Variants in KIAA0930 observed in about 807,000 individuals in gnomAD.
KIAA0930 encodes uncharacterized protein KIAA0930.
Under a neutral mutation model 43.9 loss-of-function variants are expected in KIAA0930, and 24 were observed. That is an observed-to-expected ratio of 0.55 (90% CI 0.40 to 0.77). The LOEUF is 0.77. Ranked by LOEUF, KIAA0930 falls within the 30% of genes least tolerant of loss-of-function variation. The pLI, the probability that KIAA0930 is intolerant of heterozygous loss-of-function variation, is 0.00. For missense variants in KIAA0930, 461 were observed against 574.2 expected, an observed-to-expected ratio of 0.80 and a Z score of 2.02; for synonymous variants, 259 against 216.4, an observed-to-expected ratio of 1.20 and a Z score of -1.73.
intron 3 of KIAA0930, 22 bp downstream of exon 3, chr22:45,205,771 C>CGCG: frequency 1.4e-6 from 1 of 710,688 alleles, no homozygotes; most frequent in Non-Finnish European, 2.4e-6. Flanking sequence ...CAATCCGCAG[C>CGCG]CCCACCCATC....
intron 6 of KIAA0930, 70 bp downstream of exon 6, chr22:45,203,775 G>A: frequency 1.3e-6 from 2 of 1,548,806 alleles, no homozygotes; most frequent in Non-Finnish European, 1.7e-6. Context: ...CCATGGTATG[G>A]ACCACGGTGG....
At chr22:45,223,234 C>A (rs2083777869) in intron 1 of KIAA0930, among the ~76,000 whole-genome samples, 1 of 152,236 alleles carries the variant, frequency 6.6e-6, no homozygotes, top group African/African-American at 2.4e-5. Flanking sequence ...TGAAGCAACT[C>A]TATCTGTTCC....
At position 45,194,581 on chromosome 22, in the gene KIAA0930, A is replaced by G. The variant is rs1365733761; in HGVS notation, c.*2595T>C. On this transcript the variant is annotated 3_prime_UTR_variant, in exon 10 of 10. Transcript: ENST00000336156. The stretch of plus-strand genomic sequence containing the variant: ...CAAGAAGTACAAATGTGCCAACACC[A>G]GGACTTTGGGGACCCTGGTTCTGGC... The G allele has an allele frequency of 1.3e-5, 2 of 152,218 alleles. No individual in the cohort carries two copies. The highest frequency in any genetic ancestry group is 4.8e-5 in the African/African-American group (2 of 41,456). The allele number at this position is 152,218 out of a possible 1,614,324, so 9.4% of individuals were successfully genotyped here. A position where few individuals can be genotyped will look rare whatever the true frequency, so the allele number is the denominator to read the frequency against.
At chr22:45,238,886 C>T (rs1601830456) in intron 1 of KIAA0930, among the ~76,000 whole-genome samples, 1 of 151,812 alleles carries the variant, frequency 6.6e-6, no homozygotes, top group South Asian at 2.1e-4. Context: ...CTCTCTCTCT[C>T]TCTCTCTCTC....
chr22:45,199,816 T>C (rs1303007476), intron 8 of KIAA0930, 57 bp downstream of exon 8: 1 of 1,392,544 alleles, frequency 7.2e-7, no homozygotes, highest in East Asian at 2.6e-5. Context: ...ATGACTGGTC[T>C]GGATCAAGAA....
At chr22:45,213,497 A>G (rs2083712400) in intron 1 of KIAA0930, 11 of 1,192,640 alleles carry the variant, frequency 9.2e-6, no homozygotes, top group Non-Finnish European at 1.2e-5. Flanking sequence ...CGGGGGAACG[A>G]AACACGCGTG....
chr22:45,197,946 C>A lies in KIAA0930; in HGVS notation c.1018G>T (p.Asp340Tyr), dbSNP rs779917518. ...CGCAGGTTGGTTGCATTGTGCAGAT[C>A]GGCTGGAGGAAAGAAGGCCAGGTCA... The part of the protein sequence containing the change: ...EFFREDDGGA[D>Y]LHNATNLRSR... Residue 340 changes from aspartate to tyrosine, a missense_variant and splice_region_variant, in exon 9 of 10, where the codon GAT becomes TAT. By Grantham distance (160) the Asp-to-Tyr change is radical. Coordinates refer to ENST00000336156, the MANE Select transcript of KIAA0930 (RefSeq NM_001009880.2). The A allele has an allele frequency of 6.2e-7, 1 of 1,613,722 alleles. No individual in the cohort carries two copies. Among genetic ancestry groups the A allele is most frequent in the Non-Finnish European group, 8.5e-7 (1 of 1,179,908 alleles).
intron 1 of KIAA0930, among the ~76,000 whole-genome samples, chr22:45,232,880 C>T (rs971629581): frequency 3.9e-5 from 6 of 152,098 alleles, no homozygotes; most frequent in East Asian, 1.9e-4. Flanking sequence ...GTGCAGAGTT[C>T]GGCTTTGACT....
In KIAA0930 at chr22:45,238,898, C is replaced by G. The variant is rs1035246622; in HGVS notation, c.64+1742G>C. The stretch of plus-strand genomic sequence containing the variant: ...AGGCTCTCTCTCTCTCTCTCTCTCT[C>G]TCTCACCCTCAGGCTCTTCATCGCT... On this transcript the variant is annotated intron_variant, in intron 1 of 9. Transcript: ENST00000336156. Among the ~76,000 whole-genome samples the G allele has an allele frequency of 5.8e-4, 88 of 150,540 alleles. 1 individual carries two copies. The highest frequency in any genetic ancestry group is 1.0e-3 in the Non-Finnish European group (71 of 67,990).
rs372034700 is a variant in KIAA0930, at chr22:45,204,000, A to G, written c.517-15T>C. ...TCGCTGAACACCTGGGCCAGGACAC[A>G]AAGAGACAGGGACGTGACCATCAGC... is the stretch of plus-strand genomic sequence containing the variant. On this transcript the variant is annotated splice_polypyrimidine_tract_variant and intron_variant, in intron 5 of 9. Transcript: ENST00000336156. The G allele has an allele frequency of 1.7e-5, 28 of 1,613,430 alleles. No individual in the cohort carries two copies. The highest frequency in any genetic ancestry group is 2.4e-5 in the Non-Finnish European group (28 of 1,179,710).
At chr22:45,230,130 G>A (rs1018171810) in intron 1 of KIAA0930, among the ~76,000 whole-genome samples, 48 of 152,186 alleles carry the variant, frequency 3.2e-4, no homozygotes, top group Non-Finnish European at 5.6e-4. Flanking sequence ...GTGGGGAGAG[G>A]AGACAGCCCA....
intron 5 of KIAA0930, among the ~76,000 whole-genome samples, chr22:45,204,896 C>T (rs1237780914): frequency 6.6e-6 from 1 of 152,204 alleles, no homozygotes; most frequent in African/African-American, 2.4e-5. Flanking sequence ...AATGGCTCCT[C>T]CCGCCCGGGC....
At chr22:45,204,760 G>A (rs779704102) in intron 5 of KIAA0930, among the ~76,000 whole-genome samples, 11 of 146,650 alleles carry the variant, frequency 7.5e-5, no homozygotes, top group East Asian at 6.7e-4. Context: ...GCCCAAGCCC[G>A]TTTCCCAAAC....
intron 9 of KIAA0930, among the ~76,000 whole-genome samples, 167 bp downstream of exon 9, chr22:45,197,623 G>A (rs925604524): frequency 6.6e-6 from 1 of 152,166 alleles, no homozygotes; most frequent in Non-Finnish European, 1.5e-5. Context: ...GGAAAGCTAC[G>A]GCTCCACCCA....
intron 1 of KIAA0930, among the ~76,000 whole-genome samples, chr22:45,221,442 G>T (rs953025649): frequency 4.6e-5 from 7 of 152,208 alleles, no homozygotes; most frequent in African/African-American, 1.7e-4. Context: ...TAGGGTTATA[G>T]TTTGCCAACA....
At chr22:45,200,167 C>T (rs1287867307) in intron 7 of KIAA0930, 132 bp from the exon 8 acceptor site, 8 of 877,774 alleles carry the variant, frequency 9.1e-6, no homozygotes, top group Non-Finnish European at 9.8e-6. Flanking sequence ...CCAGGAGGAC[C>T]CAGGCCCAGC....
In KIAA0930 at chr22:45,197,815, C is replaced by T. The variant is rs141094543; in HGVS notation, c.1149G>A (p.Thr383=). ...FLLYAHLTYV[T]LPLHRILTDI... ...CTGTTAAAATCCGATGCAGCGGCAA[C>T]GTGACGTAGGTTAAGTGTGCATAGA... Residue 383 remains threonine, a synonymous_variant, in exon 9 of 10, where the codon ACG becomes ACA. Transcript: ENST00000336156. 3.2e-5 allele frequency: 51 copies of T among 1,614,198 alleles called. No individual in the cohort carries two copies. The African/African-American group carries it at 4.4e-4, about 14-fold the overall frequency.
At position 45,240,804 on chromosome 22, in the gene KIAA0930, C is replaced by T. The variant is rs1224904527; in HGVS notation, c.-101G>A. ...CCCGGCCCGCAGCCCGCCGCGAGCACCAAGGAAGCCACAGTCCGCCTCTGT... is the reference window on the plus strand; with the variant it reads ...CCCGGCCCGCAGCCCGCCGCGAGCATCAAGGAAGCCACAGTCCGCCTCTGT... On this transcript the variant is annotated 5_prime_UTR_variant, in exon 1 of 10. The change creates a new upstream start codon in the 5' untranslated region. Transcript: ENST00000336156. 2.0e-3 allele frequency: 1 copy of T among 508 alleles called. No individual in the cohort carries two copies. Among genetic ancestry groups the T allele is most frequent in the Non-Finnish European group, 8.8e-3 (1 of 114 alleles). 0.0% of individuals were successfully genotyped at this position (508 alleles called of 1,614,324 possible). A position where few individuals can be genotyped will look rare whatever the true frequency, so the allele number is the denominator to read the frequency against.
chr22:45,210,659 G>A (rs970492432), intron 2 of KIAA0930, among the ~76,000 whole-genome samples: 21 of 150,850 alleles, frequency 1.4e-4, no homozygotes, highest in African/African-American at 5.1e-4. Context: ...CGTGGCAGCA[G>A]GTTCTGAGGA....
Sources: gnomAD v4.1 joint callset for allele counts (sites outside exome capture counted in the v4.1 genomes callset) on GRCh38, gnomAD v4.1.1 for gene constraint, MANE v1.5 for transcripts, NCBI Gene and HGNC (gene_info 2026-07-23, HGNC 2026-07-21) for gene names.